HK1: variants seen among roughly 807,000 people sequenced by gnomAD.
The protein encoded by HK1 is hexokinase 1.
HK1 carries 28 observed loss-of-function variants against 91.6 expected under a neutral mutation model. That is an observed-to-expected ratio of 0.31 (90% CI 0.23 to 0.42). HK1 has a LOEUF of 0.42. Among genes scored for constraint, HK1 ranks in the 10% least tolerant of loss-of-function variants. The pLI, the probability that HK1 is intolerant of heterozygous loss-of-function variation, is 1.00. For synonymous variants in HK1, 430 were observed against 468.1 expected (o/e 0.92, Z 1.05); for missense variants, 770 against 1,219.8 (o/e 0.63, Z 5.49).
At chr10:69,270,849 C>CAGAGCCT (rs943324359) in intron 1 of HK1, among the ~76,000 whole-genome samples, 1 of 152,190 alleles carries the variant, frequency 6.6e-6, no homozygotes, top group African/African-American at 2.4e-5. Flanking sequence ...CTATTGTCCC[C>CAGAGCCT]AGAGCCTACA....
intron 4 of HK1, among the ~76,000 whole-genome samples, chr10:69,365,445 T>G (rs1849652690): frequency 6.6e-6 from 1 of 152,216 alleles, no homozygotes. Context: ...TCAGCAAGGA[T>G]GGACTGTGAT....
intron 5 of HK1, among the ~76,000 whole-genome samples, chr10:69,309,185 CTT>C (rs779001663): frequency 2.0e-4 from 28 of 141,126 alleles, no homozygotes; most frequent in Admixed American, 3.6e-4. Context: ...TTCTTTCTTT[CTT>C]TTTTTTTTTT....
At chr10:69,322,259 A>AT (rs1847077897) in intron 1 of HK1, among the ~76,000 whole-genome samples, 1 of 152,100 alleles carries the variant, frequency 6.6e-6, no homozygotes, top group Non-Finnish European at 1.5e-5. Flanking sequence ...ACGCTAAGTG[A>AT]TTTCCACTAG....
chr10:69,392,017 A>G, intron 14 of HK1, 108 bp from the exon 15 acceptor site: 2 of 1,048,422 alleles, frequency 1.9e-6, no homozygotes, highest in Middle Eastern at 2.9e-4. Flanking sequence ...GTTCATCACA[A>G]AAAACGTGCC....
chr10:69,328,800 T>C (rs116960237), intron 1 of HK1, among the ~76,000 whole-genome samples: 2 of 152,330 alleles, frequency 1.3e-5, no homozygotes, highest in East Asian at 3.9e-4. Flanking sequence ...TCACTTCCCA[T>C]TTCTTCCTCC....
rs1849874648 is a variant in HK1, at chr10:69,369,281, C to A, written c.636C>A (p.Gly212=). 1 of 1,614,080 alleles carries A rather than the reference C, an allele frequency of 6.2e-7. No individual in the cohort carries two copies. ...NIVAVVNDTV[G]TMMTCGYDDQ... ...TAGCTGTGGTGAATGACACAGTGGG[C>A]ACCATGATGACCTGTGGCTATGACG... Residue 212 remains glycine (G), a synonymous_variant, in exon 6 of 18, where the codon GGC becomes GGA. Coordinates refer to ENST00000359426, the MANE Select transcript of HK1 (RefSeq NM_000188.3). The surrounding 1 kb of genome is among the most constrained non-coding windows in gnomAD (Gnocchi z 4.4).
At chr10:69,295,479 G>A (rs1170739413) in intron 3 of HK1, among the ~76,000 whole-genome samples, 2 of 152,174 alleles carry the variant, frequency 1.3e-5, no homozygotes, top group Non-Finnish European at 2.9e-5. Flanking sequence ...CAGAGAATTG[G>A]TAATCATGAT....
At position 69,310,544 on chromosome 10, in the gene HK1, G is replaced by T. The variant is rs1295825846; in HGVS notation, c.27+9683G>T. ...AGCCTAGGAACCCTGCCTAGGTGTT[G>T]ACATGAACTCTGTGTGAGCATTTTC... On this transcript the variant is annotated intron_variant, in intron 5 of 21. Transcript: ENST00000360289. Among the ~76,000 whole-genome samples, 3 of 151,966 alleles carry T rather than the reference G, an allele frequency of 2.0e-5. No homozygotes were observed. In the South Asian group the frequency reaches 6.2e-4, roughly 31 times the overall value.
chr10:69,344,732 G>T (rs898687096), intron 2 of HK1, among the ~76,000 whole-genome samples: 1 of 152,308 alleles, frequency 6.6e-6, no homozygotes, highest in East Asian at 1.9e-4. Context: ...TCGCAGTCTG[G>T]CCTGCTCAGT....
rs541112120 is a variant in HK1, at chr10:69,325,137, C to T, written c.63+6127C>T. Among the ~76,000 whole-genome samples, 477 of 148,212 alleles carry T rather than the reference C, an allele frequency of 3.2e-3. 1 individual carries two copies. The highest frequency in any genetic ancestry group is 5.0e-3 in the Non-Finnish European group (338 of 67,198). The stretch of plus-strand genomic sequence containing the variant: ...CACGATCTCAGCTCACTGCAAGCTC[C>T]GCCTCCTGGGTTCTCGCCATTCTCC... On this transcript the variant is annotated intron_variant, in intron 1 of 17. Transcript: ENST00000359426.
chr10:69,384,463 G>T lies in HK1; in HGVS notation c.1701G>T (p.Met567Ile). The T allele has an allele frequency of 6.2e-7, 1 of 1,614,224 alleles. No individual in the cohort carries two copies. Among genetic ancestry groups the T allele is most frequent in the Non-Finnish European group, 8.5e-7 (1 of 1,180,040 alleles). ...NKIYAIPIEI[M>I]QGTGEELFDH... Reference sequence around the variant, plus strand: ...TCTACGCCATTCCTATTGAAATCATGCAGGGCACTGGGGAAGAGGTGAGAT... The same window carrying T: ...TCTACGCCATTCCTATTGAAATCATTCAGGGCACTGGGGAAGAGGTGAGAT... Residue 567 changes from methionine to isoleucine, a missense_variant, in exon 11 of 18, where the codon ATG (methionine) becomes ATT (isoleucine). This residue lies in a region of HK1 where 48 missense variants were observed against 128.2 expected (regional missense o/e 0.37). Transcript: ENST00000359426.
In HK1 at chr10:69,293,862, T is replaced by C. The variant is rs1392297040; in HGVS notation, c.-114-1771T>C. On this transcript the variant is annotated intron_variant, in intron 3 of 21. Coordinates refer to the HK1 transcript ENST00000360289. ...GCACAAGCATATTTCTTTCTTTTTT[T>C]TTTTTTTTTTTTTTTTTGAGACAGA... Among the ~76,000 whole-genome samples, 41 of 143,642 alleles carry C rather than the reference T, an allele frequency of 2.9e-4. No individual in the cohort carries two copies. The East Asian group carries it at 3.0e-3, about 11-fold the overall frequency. The allele number at this position is 143,642 out of a possible 152,430, so 94.2% of individuals were successfully genotyped here. A position where few individuals can be genotyped will look rare whatever the true frequency, so the allele number is the denominator to read the frequency against.
At chr10:69,319,112 C>A in intron 1 of HK1, 102 bp downstream of exon 1, 5 of 1,370,704 alleles carry the variant, frequency 3.6e-6, no homozygotes, top group Non-Finnish European at 5.1e-6. Flanking sequence ...CCGGCCTTCT[C>A]CGGGCCAGCA....
intron 13 of HK1, 120 bp downstream of exon 13, chr10:69,386,538 CT>C: frequency 1.4e-6 from 1 of 722,984 alleles, no homozygotes; most frequent in Non-Finnish European, 2.3e-6. Flanking sequence ...AATCCCAGCA[CT>C]TTGGGAGGCC....
In HK1 at chr10:69,326,075, T is replaced by C. The variant is rs1057049698; in HGVS notation, c.63+7065T>C. On this transcript the variant is annotated intron_variant, in intron 1 of 17. Transcript: ENST00000359426. ...GGTCTTGAATTCCTGACCTCGTGAT[T>C]CACCCGCCTCGGCCTCCCAAAGTGT... Among the ~76,000 whole-genome samples the C allele has an allele frequency of 1.1e-4, 16 of 151,256 alleles. No individual in the cohort carries two copies. The South Asian group carries it at 1.1e-3, about 10-fold the overall frequency.
At position 69,276,122 on chromosome 10, in the gene HK1, C is replaced by CATATAT. The variant is rs1491489087; in HGVS notation, c.-391+6026_-391+6031dup. On this transcript the variant is annotated intron_variant, in intron 1 of 21. Transcript: ENST00000360289. ...AAAAAAAAAAAAAAAAAAAAAAATA[C>CATATAT]ATATATATATATATATACACATATA... Among the ~76,000 whole-genome samples, 94 of 49,002 alleles carry CATATAT rather than the reference C, an allele frequency of 1.9e-3. 5 individuals carry two copies. The highest frequency in any genetic ancestry group is 6.2e-3 in the African/African-American group (91 of 14,578). The allele number at this position is 49,002 out of a possible 152,430, so 32.1% of individuals were successfully genotyped here.
intron 2 of HK1, among the ~76,000 whole-genome samples, chr10:69,344,703 C>T (rs1373079439): frequency 6.6e-6 from 1 of 152,238 alleles, no homozygotes; most frequent in Admixed American, 6.5e-5. Flanking sequence ...CTGCACCTGG[C>T]TGAGCGGAGA....
chr10:69,293,060 G>T (rs114826030), intron 3 of HK1, among the ~76,000 whole-genome samples: 2 of 152,128 alleles, frequency 1.3e-5, no homozygotes, highest in African/African-American at 2.4e-5. Context: ...TCCAGAGCAG[G>T]CATGCTGGCT....
chr10:69,347,147 A>G (rs1270316861), intron 2 of HK1, among the ~76,000 whole-genome samples: 1 of 151,032 alleles, frequency 6.6e-6, no homozygotes, highest in Non-Finnish European at 1.5e-5. Flanking sequence ...CGTAGCTGGG[A>G]TTATAGGCAC....
Sources: allele counts gnomAD v4.1 joint callset (sites outside exome capture counted in the v4.1 genomes callset), GRCh38; gene constraint gnomAD v4.1.1; regional missense constraint gnomAD v4.1.1; non-coding constraint Gnocchi (gnomAD v3.1); transcripts MANE v1.5; gene names NCBI Gene and HGNC (gene_info 2026-07-23, HGNC 2026-07-21).